AMD1: variants seen among roughly 807,000 people sequenced by gnomAD.
The protein encoded by AMD1 is S-adenosylmethionine decarboxylase proenzyme.
In AMD1, 11 loss-of-function variants were observed where a neutral mutation model predicts 40.2. That is an observed-to-expected ratio of 0.27 (90% CI 0.17 to 0.45). AMD1 has a LOEUF of 0.45. Among genes scored for constraint, AMD1 ranks in the 20% least tolerant of loss-of-function variants. AMD1 has a pLI of 1.00. For missense variants in AMD1, 257 were observed against 410.2 expected, an observed-to-expected ratio of 0.63 and a Z score of 3.23; for synonymous variants, 121 against 130.8, an observed-to-expected ratio of 0.93 and a Z score of 0.51.
intron 1 of AMD1, 40 bp downstream of exon 1, chr6:110,875,255 G>T (rs999410885): frequency 6.6e-7 from 1 of 1,505,332 alleles, no homozygotes; most frequent in Non-Finnish European, 9.1e-7. Flanking sequence ...GGGCCTGGGG[G>T]CTGTCGCCGC....
At chr6:110,842,244 T>C in the AMD1 span, among the ~76,000 whole-genome samples, 2 of 152,212 alleles carry the variant, frequency 1.3e-5, no homozygotes, top group East Asian at 3.8e-4. Context: ...TTCCACACTA[T>C]GTTTTTACCA....
chr6:110,845,035 G>C, the AMD1 span, among the ~76,000 whole-genome samples: 2 of 140,240 alleles, frequency 1.4e-5, no homozygotes, highest in South Asian at 5.2e-4. Flanking sequence ...AGGTGCCACA[G>C]ACCTTTTTTT....
chr6:110,831,399 A>G, the AMD1 span, among the ~76,000 whole-genome samples: 2 of 151,580 alleles, frequency 1.3e-5, no homozygotes, highest in Admixed American at 6.6e-5. Context: ...AGACCGTGGC[A>G]TTGTACTCCA....
chr6:110,823,284 G>T, the AMD1 span, among the ~76,000 whole-genome samples: 4 of 152,168 alleles, frequency 2.6e-5, no homozygotes, highest in Admixed American at 6.5e-5. Flanking sequence ...GAATGGGGAA[G>T]AGTTGAAAGC....
At chr6:110,887,397 A>G (rs753726109) in intron 1 of AMD1, 108 bp from the exon 2 acceptor site, 5 of 675,052 alleles carry the variant, frequency 7.4e-6, no homozygotes, top group Middle Eastern at 4.3e-4. Context: ...TTGGTGTACA[A>G]TATTAATTAA....
chr6:110,848,355 C>T, the AMD1 span, among the ~76,000 whole-genome samples: 1 of 151,926 alleles, frequency 6.6e-6, no homozygotes, highest in African/African-American at 2.4e-5. Context: ...AACACTGTCT[C>T]TACTAAAAAT....
the AMD1 span, chr6:110,858,783 C>T: frequency 2.2e-5 from 17 of 764,778 alleles, no homozygotes; most frequent in Admixed American, 1.9e-4. Flanking sequence ...TCGGGCATGA[C>T]CGCGTACAGC....
chr6:110,888,685 C>G, intron 2 of AMD1, 172 bp from the exon 3 acceptor site: 1 of 516,176 alleles, frequency 1.9e-6, no homozygotes, highest in Non-Finnish European at 3.3e-6. Context: ...GTGCCAAGCC[C>G]TGGGGATGTT....
rs1183948868 is a variant in AMD1, at chr6:110,875,235, G to T, written c.110+20G>T. 4.5e-6 allele frequency: 7 copies of T among 1,571,350 alleles called. No individual in the cohort carries two copies. The highest frequency in any genetic ancestry group is 6.1e-6 in the Non-Finnish European group (7 of 1,155,258). On this transcript the variant is annotated intron_variant, in intron 1 of 8. Coordinates refer to ENST00000368885, the MANE Select transcript of AMD1 (RefSeq NM_001634.6). ...CCCAAGGTGGGTCCCCGGGGCGCTC[G>T]CTGACATCCGGGCCTGGGGGCTGTC...
At chr6:110,815,350 T>G in the AMD1 span, 10 of 378,308 alleles carry the variant, frequency 2.6e-5, no homozygotes, top group Non-Finnish European at 3.6e-5. Flanking sequence ...CTCCTCCTCC[T>G]CCGCGACGGC....
chr6:110,884,302 A>G (rs1306574085), intron 1 of AMD1, among the ~76,000 whole-genome samples: 1 of 152,268 alleles, frequency 6.6e-6, no homozygotes, highest in South Asian at 2.1e-4. Flanking sequence ...CAAAATATCC[A>G]GGATGCCATC....
intron 1 of AMD1, among the ~76,000 whole-genome samples, chr6:110,881,715 C>G (rs1785417169): frequency 6.6e-6 from 1 of 151,866 alleles, no homozygotes; most frequent in African/African-American, 2.4e-5. Context: ...GTCCCAACTA[C>G]TCGGGAGGCT....
At chr6:110,890,032 G>C in intron 3 of AMD1, 1 of 431,778 alleles carries the variant, frequency 2.3e-6, no homozygotes, top group Non-Finnish European at 4.1e-6. Flanking sequence ...AGAGAGAGAT[G>C]GGGCCTCAGT....
chr6:110,815,006 T>C, the AMD1 span: 4 of 1,604,004 alleles, frequency 2.5e-6, no homozygotes, highest in African/African-American at 5.5e-5. Flanking sequence ...CCCCTGCTCT[T>C]ACCCATCTTT....
chr6:110,892,612 G>A, intron 6 of AMD1, 123 bp from the exon 7 acceptor site: 1 of 1,395,060 alleles, frequency 7.2e-7, no homozygotes, highest in Non-Finnish European at 1.0e-6. Context: ...CAGGTGTTAA[G>A]CCTAGTACCC....
At chr6:110,815,951 G>A in the AMD1 span, 1 of 152,330 alleles carries the variant, frequency 6.6e-6, no homozygotes, top group Non-Finnish European at 1.5e-5. Context: ...GCTGGAGAAT[G>A]ACGTCCTCGT....
intron 1 of AMD1, among the ~76,000 whole-genome samples, chr6:110,876,518 C>CT (rs772902122): frequency 2.0e-5 from 3 of 152,194 alleles, no homozygotes; most frequent in African/African-American, 4.8e-5. Context: ...GCTACCGAGA[C>CT]TTTAAGGCAC....
At chr6:110,862,652 A>G in the AMD1 span, among the ~76,000 whole-genome samples, 1 of 151,510 alleles carries the variant, frequency 6.6e-6, no homozygotes, top group Non-Finnish European at 1.5e-5. Context: ...TTTTTAGTAG[A>G]GATGGTGAGG....
chr6:110,889,119 C>T (rs772097645), intron 3 of AMD1, 136 bp downstream of exon 3: 5 of 967,680 alleles, frequency 5.2e-6, no homozygotes, highest in Middle Eastern at 3.1e-4. Flanking sequence ...GTGTTCATAC[C>T]TTAGGAAGAG....
Sources: allele counts gnomAD v4.1 joint callset (sites outside exome capture counted in the v4.1 genomes callset), GRCh38; gene constraint gnomAD v4.1.1; transcripts MANE v1.5; gene names NCBI Gene and HGNC (gene_info 2026-07-23, HGNC 2026-07-21).